The following AHDC1 variants were observed in gnomAD, a reference collection of about 807,000 sequenced individuals.
AHDC1 encodes the protein transcription factor Gibbin.
Under a neutral mutation model 87.9 loss-of-function variants are expected in AHDC1, and 7 were observed. That is an observed-to-expected ratio of 0.08 (90% CI 0.05 to 0.15). AHDC1 has a LOEUF of 0.15. Among genes scored for constraint, AHDC1 ranks in the 10% least tolerant of loss-of-function variants. The pLI, the probability that AHDC1 is intolerant of heterozygous loss-of-function variation, is 1.00. For synonymous variants in AHDC1, 1,051 were observed against 1,006.8 expected (o/e 1.04, Z -0.83); for missense variants, 1,841 against 2,253.2 (o/e 0.82, Z 3.70).
chr1:27,587,301 A>G (rs2089086450), intron 3 of AHDC1, among the ~76,000 whole-genome samples: 1 of 152,200 alleles, frequency 6.6e-6, no homozygotes, highest in Non-Finnish European at 1.5e-5. Context: ...CTGGATTTTC[A>G]GAGGGCGGCT....
chr1:27,576,368 C>G (rs556066238), intron 3 of AHDC1, among the ~76,000 whole-genome samples: 67 of 152,296 alleles, frequency 4.4e-4, no homozygotes. Flanking sequence ...GGAAAGCGTC[C>G]GGACATCTGA....
intron 8 of AHDC1, among the ~76,000 whole-genome samples, chr1:27,536,688 T>A (rs992818513): frequency 6.6e-6 from 1 of 152,094 alleles, no homozygotes; most frequent in Non-Finnish European, 1.5e-5. Context: ...TGAAGAACAG[T>A]TGCCAAGCTA....
chr1:27,556,356 C>T (rs2019816763), intron 5 of AHDC1, among the ~76,000 whole-genome samples: 7 of 151,838 alleles, frequency 4.6e-5, no homozygotes. Flanking sequence ...CAGCCTGGTT[C>T]GAAGGCCCTG....
rs775299997 is a variant in AHDC1, at chr1:27,550,173, T to C, written c.1943A>G (p.Gln648Arg). The C allele has an allele frequency of 6.2e-7, 1 of 1,611,766 alleles. No individual in the cohort carries two copies. Among genetic ancestry groups the C allele is most frequent in the Non-Finnish European group, 8.5e-7 (1 of 1,179,796 alleles). The change falls in exon 8 of 9, where the codon CAG (glutamine) becomes CGG (arginine). Residue 648 changes from glutamine to arginine, a missense_variant. Transcript: ENST00000673934. ...GGAGATGCTCTGGGTGTCGGGGGCC[T>C]GGTGCACCGACTCCGGCTCACTGGG... Reference protein sequence around the residue: ...WTPSEPESVHQAPDTQSISHF... With the variant: ...WTPSEPESVHRAPDTQSISHF...
intron 3 of AHDC1, among the ~76,000 whole-genome samples, chr1:27,574,080 G>A (rs150463927): frequency 6.6e-6 from 1 of 152,316 alleles, no homozygotes; most frequent in African/African-American, 2.4e-5. Context: ...TTGAATCTGG[G>A]TATCTGGCAG....
chr1:27,550,965 A>G lies in AHDC1; in HGVS notation c.1151T>C (p.Leu384Ser). The change falls in exon 8 of 9, where the codon TTG (leucine) becomes TCG (serine). Residue 384 changes from leucine to serine, a missense_variant. Leu to Ser is a moderately radical substitution (Grantham distance 145). This residue lies in a region of AHDC1 where 370 missense variants were observed against 391.5 expected (regional missense o/e 0.95). Coordinates refer to ENST00000673934, the MANE Select transcript of AHDC1 (RefSeq NM_001371928.1). The part of the protein sequence containing the change: ...PGPEGHPKYA[L>S]RRTDRPKILC... ...GATCTTTGGCCTATCAGTGCGCCGC[A>G]AGGCGTACTTGGGGTGACCCTCAGG... is the stretch of plus-strand genomic sequence containing the variant. 6.3e-7 allele frequency: 1 copy of G among 1,596,488 alleles called. No homozygotes were observed.
At chr1:27,577,789 GCCAGA>G (rs940457662) in intron 3 of AHDC1, among the ~76,000 whole-genome samples, 1 of 152,192 alleles carries the variant, frequency 6.6e-6, no homozygotes, top group Non-Finnish European at 1.5e-5. Context: ...GACCTGCCAG[GCCAGA>G]CAAGACTGAG....
rs1173227427 is a variant in AHDC1 at position 27,548,393 on chromosome 1, C to G, written c.3723G>C (p.Leu1241=). 1 of 1,608,140 alleles carries G rather than the reference C, an allele frequency of 6.2e-7. No homozygotes were observed. Residue 1241 remains leucine (L), a synonymous_variant, in exon 8 of 9, where the codon CTG becomes CTC. Transcript: ENST00000673934. ...GGAAGCCCAGATGTGAGGCCTCGAA[C>G]AGGTCCACCTTCTTCCGCCGTCCAC... The part of the protein sequence containing the change: ...PGRGRRKKVD[L]FEASHLGFPT...
rs759765769 is a variant in AHDC1 at position 27,549,041 on chromosome 1, G to A, written c.3075C>T (p.Thr1025=). The change falls in exon 8 of 9, where the codon ACC becomes ACT. Residue 1025 remains threonine, a synonymous_variant. Transcript: ENST00000673934. ...AHSAGYAPPP[T]GGPCLPPSKA... ...TGCTTGGTGGCAGGCAGGGGCCCCCGGTAGGCGGTGGGGCATAGCCGGCGC... is the reference window on the plus strand; with the variant it reads ...TGCTTGGTGGCAGGCAGGGGCCCCCAGTAGGCGGTGGGGCATAGCCGGCGC... 50 of 1,575,316 alleles carry A rather than the reference G, an allele frequency of 3.2e-5. No homozygotes were observed. The highest frequency in any genetic ancestry group is 4.1e-5 in the African/African-American group (3 of 73,806).
At chr1:27,602,989 C>CCCCA (rs1557717109) in intron 3 of AHDC1, among the ~76,000 whole-genome samples, 2 of 138,416 alleles carry the variant, frequency 1.4e-5, no homozygotes, top group African/African-American at 5.2e-5. Flanking sequence ...CCTTCATTCC[C>CCCCA]CCCCCCCCCA....
In AHDC1 at chr1:27,563,344, GACAC is replaced by G. The variant is rs58219407; in HGVS notation, c.-628-4465_-628-4462del. On this transcript the variant is annotated intron_variant, in intron 3 of 8. Transcript: ENST00000673934. This position sits in a 1 kb window ranked among gnomAD's most constrained non-coding sequence, Gnocchi z 6.1. Reference sequence around the variant, plus strand: ...CAGAACCTGTCACACAGCTGACCAAGACACACACACACACACACACACACGTGGG... The same window carrying G: ...CAGAACCTGTCACACAGCTGACCAAGACACACACACACACACACACGTGGG... 3.6e-3 allele frequency among the ~76,000 whole-genome samples: 530 copies of G among 148,062 alleles called. 3 individuals carry two copies. The highest frequency in any genetic ancestry group is 0.012 in the African/African-American group (482 of 40,652).
At position 27,551,098 on chromosome 1, in the gene AHDC1, G is replaced by A; in HGVS notation, c.1018C>T (p.Leu340=). Residue 340 remains leucine (L), a synonymous_variant, in exon 8 of 9, where the codon CTG becomes TTG. Coordinates refer to ENST00000673934, the MANE Select transcript of AHDC1 (RefSeq NM_001371928.1). ...DPQALDPLPK[L]LDVPGRRLEP... is the part of the protein sequence containing the mutation. ...AGACGGCGACCTGGGACGTCAAGCA[G>A]CTTGGGCAGGGGGTCGAGTGCCTGG... 1 of 1,575,556 alleles carries A rather than the reference G, an allele frequency of 6.3e-7. No homozygotes were observed. Among genetic ancestry groups the A allele is most frequent in the Non-Finnish European group, 8.6e-7 (1 of 1,160,582 alleles).
chr1:27,597,583 G>A (rs1436985795), intron 3 of AHDC1, among the ~76,000 whole-genome samples: 1 of 152,100 alleles, frequency 6.6e-6, no homozygotes, highest in Non-Finnish European at 1.5e-5. Context: ...GGAGCAAGGG[G>A]CTCTGGGCGG....
At chr1:27,568,756 A>C (rs1234522628) in intron 3 of AHDC1, among the ~76,000 whole-genome samples, 1 of 150,190 alleles carries the variant, frequency 6.7e-6, no homozygotes, top group Non-Finnish European at 1.5e-5. Flanking sequence ...CTCAGGTGGG[A>C]GCCTGCGGCG....
At chr1:27,576,100 AG>A (rs1303303415) in intron 3 of AHDC1, among the ~76,000 whole-genome samples, 2 of 151,904 alleles carry the variant, frequency 1.3e-5, no homozygotes, top group East Asian at 3.9e-4. Flanking sequence ...CCCCTCCTGC[AG>A]AGAGCACTGG....
chr1:27,545,482 C>T (rs913139799), intron 8 of AHDC1, among the ~76,000 whole-genome samples: 4 of 152,064 alleles, frequency 2.6e-5, no homozygotes, highest in Non-Finnish European at 4.4e-5. Context: ...TGTGACCTGC[C>T]CAAACACCCA....
chr1:27,545,684 T>TG (rs36114561), intron 8 of AHDC1, among the ~76,000 whole-genome samples: 18,742 of 150,166 alleles, frequency 0.12, 1,558 homozygotes, highest in African/African-American at 0.24. Context: ...ATGAGACGCA[T>TG]GGGGAATGGA....
At chr1:27,581,195 T>C (rs1238259542) in intron 3 of AHDC1, among the ~76,000 whole-genome samples, 1 of 151,968 alleles carries the variant, frequency 6.6e-6, no homozygotes, top group African/African-American at 2.4e-5. Flanking sequence ...AGTGGCGTGA[T>C]CATAGCTCAC....
intron 3 of AHDC1, among the ~76,000 whole-genome samples, chr1:27,578,410 G>A (rs1190333248): frequency 2.0e-5 from 3 of 151,932 alleles, no homozygotes; most frequent in Non-Finnish European, 4.4e-5. Flanking sequence ...CCAACACGGT[G>A]ACACCCCATC....
Sources: gnomAD v4.1 joint callset for allele counts (sites outside exome capture counted in the v4.1 genomes callset) on GRCh38, gnomAD v4.1.1 for gene constraint, gnomAD v4.1.1 regional missense constraint, Gnocchi (gnomAD v3.1) non-coding constraint, MANE v1.5 for transcripts, NCBI Gene and HGNC (gene_info 2026-07-23, HGNC 2026-07-21) for gene names.